The following STARD9 variants were observed in gnomAD, a reference collection of about 807,000 sequenced individuals.
The protein encoded by STARD9 is StAR related lipid transfer domain containing 9.
In STARD9, 346 loss-of-function variants were observed where a neutral mutation model predicts 399.8. The observed-to-expected ratio is 0.87, with a 90% CI of 0.79 to 0.95. The LOEUF (loss-of-function observed/expected upper bound fraction) is 0.95. Ranked by LOEUF, STARD9 falls within the 40% of genes least tolerant of loss-of-function variation. The probability of loss-of-function intolerance (pLI) is 0.00; values close to 1 mark genes in which losing one functional copy is unlikely to be tolerated. For synonymous variants in STARD9, 2,203 were observed against 2,143.5 expected (o/e 1.03, Z -0.77); for missense variants, 5,832 against 5,667.5 (o/e 1.03, Z -0.93).
intron 3 of STARD9, among the ~76,000 whole-genome samples, chr15:42,634,147 G>A (rs1001709367): frequency 4.6e-5 from 7 of 152,118 alleles, no homozygotes; most frequent in African/African-American, 9.7e-5. Flanking sequence ...AGATGCCCAC[G>A]TAGCATTCTG....
intron 3 of STARD9, among the ~76,000 whole-genome samples, chr15:42,588,161 GATAA>G (rs1263363461): frequency 6.6e-6 from 1 of 152,034 alleles, no homozygotes; most frequent in Non-Finnish European, 1.5e-5. Flanking sequence ...TATAACATTT[GATAA>G]ATCAGTCATC....
At chr15:42,638,914 G>C (rs908563726) in intron 7 of STARD9, 102 bp downstream of exon 7, 23 of 619,686 alleles carry the variant, frequency 3.7e-5, no homozygotes, top group Non-Finnish European at 6.3e-5. Flanking sequence ...AACACTTATC[G>C]TGTGCCAGCT....
chr15:42,693,443 T>C lies in STARD9; in HGVS notation c.11865T>C (p.Thr3955=). ...RTPMDNYSQT[T]DELGGSQRGR... ...CAATGGATAATTATTCCCAAACCAC[T>C]GACGAGTTAGGTGGCTCCCAGAGAG... The change falls in exon 23 of 33, where the codon ACT becomes ACC. Residue 3955 remains threonine, a synonymous_variant. Transcript: ENST00000290607. 45 of 1,537,150 alleles carry C rather than the reference T, an allele frequency of 2.9e-5. No homozygotes were observed. Among genetic ancestry groups the C allele is most frequent in the Non-Finnish European group, 3.9e-5 (45 of 1,146,878 alleles).
intron 3 of STARD9, among the ~76,000 whole-genome samples, chr15:42,588,468 G>A (rs906650603): frequency 2.0e-5 from 3 of 152,108 alleles, no homozygotes; most frequent in Non-Finnish European, 4.4e-5. Flanking sequence ...GGTTTCTTCT[G>A]GCTTGTTTAT....
At chr15:42,633,646 CTT>C (rs1245567571) in intron 3 of STARD9, among the ~76,000 whole-genome samples, 29 of 138,686 alleles carry the variant, frequency 2.1e-4, no homozygotes, top group South Asian at 2.3e-4. Context: ...TTCTTTCTTT[CTT>C]TTTTTTTTTT....
chr15:42,666,707 G>A (rs1181935854), intron 15 of STARD9, among the ~76,000 whole-genome samples: 1 of 152,206 alleles, frequency 6.6e-6, no homozygotes, highest in Admixed American at 6.5e-5. Context: ...TGGGAAGACT[G>A]GAAGCAGGGG....
intron 9 of STARD9, among the ~76,000 whole-genome samples, chr15:42,653,285 G>T (rs2059800598): frequency 6.6e-6 from 1 of 152,108 alleles, no homozygotes; most frequent in South Asian, 2.1e-4. Flanking sequence ...TCCCCAAAAA[G>T]CAACTATAAA....
Position 42,692,726 on chromosome 15 carries a change from T to C in STARD9, c.11148T>C (p.Asp3716=). 3.9e-6 allele frequency: 6 copies of C among 1,536,900 alleles called. No individual in the cohort carries two copies. The highest frequency in any genetic ancestry group is 5.2e-6 in the Non-Finnish European group (6 of 1,146,832). Reference sequence around the variant, plus strand: ...AGAACACCAAGAGGGACATCCCAGATAAAGCCCCACAGGCCCTGATGATGG... The same window carrying C: ...AGAACACCAAGAGGGACATCCCAGACAAAGCCCCACAGGCCCTGATGATGG... The part of the protein sequence containing the change: ...REQNTKRDIP[D]KAPQALMMDG... Residue 3716 remains aspartate (D), a synonymous_variant, in exon 23 of 33, where the codon GAT becomes GAC. Coordinates refer to ENST00000290607, the MANE Select transcript of STARD9 (RefSeq NM_020759.3).
At chr15:42,581,156 C>A (rs952403904) in intron 1 of STARD9, 3 of 753,048 alleles carry the variant, frequency 4.0e-6, no homozygotes, top group East Asian at 2.5e-5. Context: ...AGCATCACCC[C>A]CCAGCTGCAT....
rs148862329 is a variant in STARD9, at chr15:42,661,174, A to G, written c.719A>G (p.Asn240Ser). Residue 240 changes from asparagine (N) to serine (S), a missense_variant, in exon 10 of 33, where the codon AAC becomes AGC. By Grantham distance (46) the Asn-to-Ser change is conservative (BLOSUM62 1). This residue lies in a region of STARD9 where 5,828 missense variants were observed against 5,651.1 expected (regional missense o/e 1.03). Coordinates refer to ENST00000290607, the MANE Select transcript of STARD9 (RefSeq NM_020759.3). ...IHYTQAILEN[N>S]LPSEMASKIN... ...CTCCTCTAGGCAATCCTGGAGAACAACCTCCCTTCTGAAATGGCTAGCAAG... is the reference window on the plus strand; with the variant it reads ...CTCCTCTAGGCAATCCTGGAGAACAGCCTCCCTTCTGAAATGGCTAGCAAG... 4.8e-3 allele frequency: 7,377 copies of G among 1,536,496 alleles called. 39 individuals are homozygous for G. Among genetic ancestry groups the G allele is most frequent in the Non-Finnish European group, 6.0e-3 (6,851 of 1,146,430 alleles).
At chr15:42,641,766 G>A (rs1310576346) in intron 7 of STARD9, among the ~76,000 whole-genome samples, 1 of 151,966 alleles carries the variant, frequency 6.6e-6, no homozygotes, top group African/African-American at 2.4e-5. Context: ...CACCACGCCT[G>A]GCTAATTTTT....
intron 3 of STARD9, among the ~76,000 whole-genome samples, chr15:42,596,318 A>C (rs547637951): frequency 4.6e-5 from 7 of 152,312 alleles, no homozygotes; most frequent in African/African-American, 1.7e-4. Context: ...TGCAATGCTG[A>C]AAATTCCTTA....
chr15:42,583,442 C>T (rs1239018283), intron 2 of STARD9, 27 bp downstream of exon 2: 2 of 1,500,948 alleles, frequency 1.3e-6, no homozygotes, highest in East Asian at 2.5e-5. Flanking sequence ...TTTTCATTTT[C>T]TTTCCACTGA....
At position 42,663,262 on chromosome 15, in the gene STARD9, T is replaced by G. The variant is rs1309767708; in HGVS notation, c.869-19T>G. ...TCATAATTCCTTCTTTCTTCCATTT[T>G]CTTTTTTCATCTTTTAAGCCCAGAA... On this transcript the variant is annotated intron_variant, in intron 11 of 32. Transcript: ENST00000290607. 7 of 1,515,770 alleles carry G rather than the reference T, an allele frequency of 4.6e-6. No homozygotes were observed. In the East Asian group the frequency reaches 1.7e-4, roughly 37 times the overall value. The allele number at this position is 1,515,770 out of a possible 1,614,324, so 93.9% of individuals were successfully genotyped here.
chr15:42,717,792 G>A lies in STARD9; in HGVS notation c.13556G>A (p.Trp4519Ter), dbSNP rs2061377286. ...TTCAGCTGCCAGGCAACTGCTGGCT[G>A]GAAGTAAGTTTGTTTAGGGTCCTTT... ...NLFSCQATAG[W>*]NYQGEEQAVQ... The change falls in exon 29 of 33, where the codon TGG becomes TAG. Residue 4519 changes from tryptophan to a stop codon, truncating the protein, a stop_gained. Coordinates refer to ENST00000290607, the MANE Select transcript of STARD9 (RefSeq NM_020759.3). LOFTEE classifies it high-confidence loss of function. The A allele has an allele frequency of 3.3e-6, 5 of 1,537,168 alleles. No homozygotes were observed. Among genetic ancestry groups the A allele is most frequent in the Non-Finnish European group, 2.6e-6 (3 of 1,146,856 alleles).
chr15:42,693,416 T>C lies in STARD9; in HGVS notation c.11838T>C (p.Thr3946=), dbSNP rs2060764426. The C allele has an allele frequency of 1.3e-6, 2 of 1,537,050 alleles. No individual in the cohort carries two copies. Among genetic ancestry groups the C allele is most frequent in the Non-Finnish European group, 1.7e-6 (2 of 1,146,908 alleles). ...CAGACCCTGTTGATGCCCCAAGGAC[T>C]CCAATGGATAATTATTCCCAAACCA... ...SSPDPVDAPR[T]PMDNYSQTTD... Residue 3946 remains threonine (T), a synonymous_variant, in exon 23 of 33, where the codon ACT becomes ACC. Coordinates refer to ENST00000290607, the MANE Select transcript of STARD9 (RefSeq NM_020759.3).
At chr15:42,599,154 C>T (rs2058573950) in intron 3 of STARD9, among the ~76,000 whole-genome samples, 1 of 152,178 alleles carries the variant, frequency 6.6e-6, no homozygotes, top group Non-Finnish European at 1.5e-5. Flanking sequence ...AAACTCCTGA[C>T]CTCAGGTGCT....
Position 42,693,605 on chromosome 15 carries a change from C to G in STARD9, c.12027C>G (p.Ile4009Met). The G allele has an allele frequency of 1.3e-6, 2 of 1,537,244 alleles. No homozygotes were observed. Among genetic ancestry groups the G allele is most frequent in the South Asian group, 2.4e-5 (2 of 84,058 alleles). The change falls in exon 23 of 33, where the codon ATC becomes ATG. Residue 4009 changes from isoleucine (I) to methionine (M), a missense_variant. Around this residue, in one of 2 missense-constraint regions of STARD9, gnomAD observed 5,828 missense variants for 5,651.1 expected, o/e 1.03. Transcript: ENST00000290607. ...HPQQLQPRTT[I>M]GVQSRLLPPP... ...AGCAGCTTCAGCCCAGGACAACTAT[C>G]GGGGTCCAAAGCAGACTGCTGCCAC...
intron 20 of STARD9, 144 bp from the exon 21 acceptor site, chr15:42,681,278 G>C (rs2060421289): frequency 1.3e-6 from 1 of 749,704 alleles, no homozygotes. Context: ...CACCAGGCCT[G>C]TTTGTCCAAG....
Sources: gnomAD v4.1 joint callset for allele counts (sites outside exome capture counted in the v4.1 genomes callset) on GRCh38, gnomAD v4.1.1 for gene constraint, gnomAD v4.1.1 regional missense constraint, MANE v1.5 for transcripts, NCBI Gene and HGNC (gene_info 2026-07-23, HGNC 2026-07-21) for gene names.